Variants in NXPE1 observed in about 807,000 individuals in gnomAD.
NXPE1 encodes the protein NXPE family member 1.
NXPE1 carries 31 observed loss-of-function variants against 33.3 expected under a neutral mutation model. The observed-to-expected ratio is 0.93, with a 90% CI of 0.70 to 1.26. The LOEUF is 1.26. Among genes scored for constraint, NXPE1 ranks in the 50% most tolerant of loss-of-function variants. NXPE1 has a pLI of 0.00. For synonymous variants in NXPE1, 229 were observed against 231.4 expected (o/e 0.99, Z 0.09); for missense variants, 661 against 655.6 (o/e 1.01, Z -0.09).
At chr11:114,533,174 A>G (rs1177036477) in intron 5 of NXPE1, among the ~76,000 whole-genome samples, 2 of 152,182 alleles carry the variant, frequency 1.3e-5, no homozygotes, top group Non-Finnish European at 2.9e-5. Context: ...TTTATTTTTT[A>G]TAGATGTTGT....
At chr11:114,523,227 C>T (rs1947270208) in intron 7 of NXPE1, 136 bp from the exon 8 acceptor site, 1 of 639,590 alleles carries the variant, frequency 1.6e-6, no homozygotes, top group Non-Finnish European at 2.7e-6. Context: ...CTTTCTAGTC[C>T]TATTCTTTGA....
At chr11:114,551,078 T>G in intron 5 of NXPE1, 25 bp downstream of exon 5, 1 of 1,274,400 alleles carries the variant, frequency 7.8e-7, no homozygotes. Context: ...CTGTGTGATC[T>G]GCATCAAAGG....
At chr11:114,540,861 T>TGGC (rs1948071810) in intron 5 of NXPE1, among the ~76,000 whole-genome samples, 1 of 67,276 alleles carries the variant, frequency 1.5e-5, no homozygotes, top group African/African-American at 1.3e-4. Context: ...TTTTTTTTTT[T>TGGC]TTTTTTTTTT....
At chr11:114,531,387 C>T (rs1205141448) in intron 5 of NXPE1, among the ~76,000 whole-genome samples, 2 of 152,152 alleles carry the variant, frequency 1.3e-5, no homozygotes, top group Non-Finnish European at 2.9e-5. Flanking sequence ...GTTCAAGCCA[C>T]CGTCATTTAT....
intron 6 of NXPE1, chr11:114,528,740 G>A (rs1004777683): frequency 1.7e-6 from 1 of 574,708 alleles, no homozygotes; most frequent in Non-Finnish European, 3.3e-6. Context: ...AAGGAAGAAA[G>A]GGATTAAGGG....
chr11:114,522,184 C>T (rs1947230154), exon 9 of NXPE1: 2 of 1,613,940 alleles, frequency 1.2e-6, no homozygotes, highest in African/African-American at 1.3e-5. Context: ...TGTTTTCTGT[C>T]TTAATAATCA....
chr11:114,547,384 T>G (rs904248556), intron 5 of NXPE1, among the ~76,000 whole-genome samples: 11 of 152,198 alleles, frequency 7.2e-5, no homozygotes, highest in African/African-American at 2.4e-4. Context: ...AGACCACTGT[T>G]CCTTAAAACT....
At chr11:114,521,915 G>T (rs1565293593) in exon 9 of NXPE1, 2 of 1,294,042 alleles carry the variant, frequency 1.5e-6, no homozygotes, top group Non-Finnish European at 2.2e-6. Flanking sequence ...TACAATACAT[G>T]TGGGATTATG....
In NXPE1 at chr11:114,544,407, A is replaced by G. The variant is rs1228806175; in HGVS notation, c.99+6696T>C. ...GATTAATCAAGGGAACATAATAGAAAGCCAATAAACAAATGCATACAAATA... is the reference window on the plus strand; with the variant it reads ...GATTAATCAAGGGAACATAATAGAAGGCCAATAAACAAATGCATACAAATA... On this transcript the variant is annotated intron_variant, in intron 5 of 8. Transcript: ENST00000534921. Among the ~76,000 whole-genome samples, 14 of 152,222 alleles carry G rather than the reference A, an allele frequency of 9.2e-5. No homozygotes were observed. In the East Asian group the frequency reaches 2.7e-3, roughly 29 times the overall value.
exon 9 of NXPE1, chr11:114,522,105 T>G (rs1394859175): frequency 1.9e-6 from 3 of 1,614,000 alleles, no homozygotes. Context: ...AAAATATCCT[T>G]CATGATAAGA....
chr11:114,533,210 A>T (rs1947650389), intron 5 of NXPE1, among the ~76,000 whole-genome samples: 1 of 152,236 alleles, frequency 6.6e-6, no homozygotes, highest in African/African-American at 2.4e-5. Flanking sequence ...AACCAGAGTT[A>T]GCAAATTATT....
At chr11:114,538,855 C>T (rs1296071501) in intron 5 of NXPE1, among the ~76,000 whole-genome samples, 2 of 152,116 alleles carry the variant, frequency 1.3e-5, no homozygotes, top group African/African-American at 2.4e-5. Context: ...ACTAGTTCAA[C>T]CATTGTGGAA....
intron 5 of NXPE1, among the ~76,000 whole-genome samples, chr11:114,533,366 A>G (rs1947657439): frequency 6.6e-6 from 1 of 152,208 alleles, no homozygotes; most frequent in Admixed American, 6.5e-5. Flanking sequence ...TGAGTGATGC[A>G]GAAGACGGGT....
intron 1 of NXPE1, chr11:114,554,371 A>T (rs1948600852): frequency 3.0e-6 from 3 of 985,190 alleles, no homozygotes; most frequent in Non-Finnish European, 2.4e-6. Flanking sequence ...GCAGCAGCCT[A>T]GCTTAGACCA....
At chr11:114,520,835 T>C (rs1373084558), downstream of NXPE1, among the ~76,000 whole-genome samples, 3 of 152,214 alleles carry the variant, frequency 2.0e-5, no homozygotes, top group Admixed American at 1.3e-4. Flanking sequence ...CAGATCTCGC[T>C]CCTTCATAGG....
intron 1 of NXPE1, among the ~76,000 whole-genome samples, chr11:114,559,298 A>G (rs1449455603): frequency 1.3e-5 from 2 of 152,224 alleles, no homozygotes; most frequent in Non-Finnish European, 2.9e-5. Context: ...TCTACAGGAA[A>G]CTTTCCAGCA....
At chr11:114,541,484 T>A (rs769840798) in intron 5 of NXPE1, among the ~76,000 whole-genome samples, 1 of 152,328 alleles carries the variant, frequency 6.6e-6, no homozygotes, top group Middle Eastern at 3.4e-3. Context: ...TTGAATAGAT[T>A]TATTCTGAGC....
chr11:114,522,522 G>C lies in NXPE1; in HGVS notation c.1109-19C>G. 1 of 1,541,426 alleles carries C rather than the reference G, an allele frequency of 6.5e-7. No homozygotes were observed. Among genetic ancestry groups the C allele is most frequent in the Non-Finnish European group, 8.8e-7 (1 of 1,136,720 alleles). ...TTCAGTGCTGATAAAAAAACAAATAGATGTTTTAAATAGAAGATAATGGTT... is the reference window on the plus strand; with the variant it reads ...TTCAGTGCTGATAAAAAAACAAATACATGTTTTAAATAGAAGATAATGGTT... On this transcript the variant is annotated intron_variant, in intron 8 of 8. Transcript: ENST00000534921.
chr11:114,550,172 A>G (rs1465229714), intron 5 of NXPE1, among the ~76,000 whole-genome samples: 7 of 152,160 alleles, frequency 4.6e-5, no homozygotes, highest in East Asian at 3.9e-4. Context: ...TAAAATCACA[A>G]TAACAATGTC....
Sources: allele counts gnomAD v4.1 joint callset (sites outside exome capture counted in the v4.1 genomes callset), GRCh38; gene constraint gnomAD v4.1.1; transcripts MANE v1.5; gene names NCBI Gene and HGNC (gene_info 2026-07-23, HGNC 2026-07-21).